OSBPL10: variants seen among roughly 807,000 people sequenced by gnomAD.
OSBPL10 encodes the protein oxysterol-binding protein-related protein 10.
Under a neutral mutation model 81.7 loss-of-function variants are expected in OSBPL10, and 49 were observed. The ratio of observed to expected loss-of-function variants is 0.60; its 90% CI spans 0.48 to 0.76. The LOEUF is 0.76. Among genes scored for constraint, OSBPL10 ranks in the 30% least tolerant of loss-of-function variants. The pLI is 0.00. For missense variants in OSBPL10, 923 were observed against 987.8 expected (o/e 0.93, Z 0.88); for synonymous variants, 419 against 383.6 (o/e 1.09, Z -1.08).
intron 3 of OSBPL10, among the ~76,000 whole-genome samples, chr3:31,869,885 C>T (rs939435171): frequency 1.2e-4 from 19 of 152,254 alleles, no homozygotes; most frequent in African/African-American, 4.6e-4. Context: ...ATTATCATTA[C>T]TTCTGCCAAC....
At chr3:31,928,377 ATGC>A (rs1340016887) in intron 1 of OSBPL10, among the ~76,000 whole-genome samples, 2 of 152,166 alleles carry the variant, frequency 1.3e-5, no homozygotes, top group African/African-American at 4.8e-5. Flanking sequence ...GTTTATCTGC[ATGC>A]TCCAAAACAG....
intron 4 of OSBPL10, among the ~76,000 whole-genome samples, chr3:31,752,058 A>G (rs1231684320): frequency 6.6e-6 from 1 of 152,198 alleles, no homozygotes; most frequent in African/African-American, 2.4e-5. Flanking sequence ...TGTGGTACCG[A>G]AAGGCTGAAT....
intron 6 of OSBPL10, among the ~76,000 whole-genome samples, chr3:31,714,267 C>A (rs1335070854): frequency 6.6e-6 from 1 of 152,202 alleles, no homozygotes; most frequent in Non-Finnish European, 1.5e-5. Context: ...AGGAGGATTA[C>A]AATCAGTGCA....
chr3:31,890,916 C>T (rs980012723), intron 1 of OSBPL10, among the ~76,000 whole-genome samples: 2 of 152,060 alleles, frequency 1.3e-5, no homozygotes, highest in African/African-American at 4.8e-5. Flanking sequence ...ACACACCCAT[C>T]CTGAAAGTCA....
intron 4 of OSBPL10, among the ~76,000 whole-genome samples, chr3:31,802,746 C>A (rs182883881): frequency 3.3e-5 from 5 of 152,018 alleles, no homozygotes; most frequent in Admixed American, 2.6e-4. Context: ...GCAAACGGAT[C>A]CTGAATAAAA....
intron 3 of OSBPL10, among the ~76,000 whole-genome samples, chr3:31,842,865 C>A (rs1220036393): frequency 6.6e-6 from 1 of 152,174 alleles, no homozygotes; most frequent in East Asian, 1.9e-4. Context: ...AAAAACATGA[C>A]CTTCACCCAG....
intron 3 of OSBPL10, among the ~76,000 whole-genome samples, chr3:31,864,708 G>A (rs542920096): frequency 6.6e-6 from 1 of 152,272 alleles, no homozygotes; most frequent in South Asian, 2.1e-4. Context: ...GATGGGTAGA[G>A]ATAGAGGGGA....
At chr3:31,969,305 G>A (rs1014154063) in intron 1 of OSBPL10, 3 of 152,660 alleles carry the variant, frequency 2.0e-5, no homozygotes, top group Admixed American at 1.3e-4. Context: ...CACTCAGGCA[G>A]AGAAAGGACA....
chr3:31,707,605 C>A (rs774350464), intron 6 of OSBPL10, among the ~76,000 whole-genome samples: 2 of 151,984 alleles, frequency 1.3e-5, no homozygotes, highest in Non-Finnish European at 2.9e-5. Context: ...GAAATCTAGC[C>A]ATGTCAAAAA....
chr3:32,028,927 G>GACACACACACAC lies in OSBPL10; in HGVS notation n.298+17552_298+17563dup, dbSNP rs58442955. Among the ~76,000 whole-genome samples, 140 of 105,706 alleles carry GACACACACACAC rather than the reference G, an allele frequency of 1.3e-3. 6 individuals are homozygous for GACACACACACAC. The highest frequency in any genetic ancestry group is 4.0e-3 in the African/African-American group (107 of 27,056). 69.3% of individuals were successfully genotyped at this position (105,706 alleles called of 152,430 possible). On this transcript the variant is annotated intron_variant and non_coding_transcript_variant, in intron 2 of 3. Transcript: ENST00000479173. ...ATTGTTACAGTAGGTAGCTAGTCAG[G>GACACACACACAC]ACACACACACACACACACACACACA...
intron 7 of OSBPL10, among the ~76,000 whole-genome samples, chr3:31,688,306 C>CAT (rs1700850716): frequency 6.6e-6 from 1 of 151,340 alleles, no homozygotes; most frequent in Non-Finnish European, 1.5e-5. Context: ...CACACACACA[C>CAT]ACACACACAC....
chr3:31,766,321 G>GT (rs372182366), intron 4 of OSBPL10, among the ~76,000 whole-genome samples: 7 of 68,636 alleles, frequency 1.0e-4, no homozygotes, highest in African/African-American at 2.2e-4. Context: ...GCCCAATGTA[G>GT]TTTTTTTGTT....
At chr3:31,862,230 T>C (rs1701072937) in intron 3 of OSBPL10, among the ~76,000 whole-genome samples, 1 of 152,204 alleles carries the variant, frequency 6.6e-6, no homozygotes, top group South Asian at 2.1e-4. Flanking sequence ...TTGATGGGAA[T>C]GCTGACAGGA....
chr3:31,816,546 GCA>G (rs1334825289), intron 4 of OSBPL10, among the ~76,000 whole-genome samples: 3 of 152,164 alleles, frequency 2.0e-5, no homozygotes, highest in Admixed American at 2.0e-4. Context: ...ACTTAGCTGG[GCA>G]CAGTGTCCAG....
chr3:31,814,757 T>C (rs750967138), intron 4 of OSBPL10, among the ~76,000 whole-genome samples: 2 of 152,184 alleles, frequency 1.3e-5, no homozygotes, highest in Non-Finnish European at 2.9e-5. Flanking sequence ...AGTACTTGGT[T>C]GTACAGCGTA....
At chr3:31,757,477 C>A (rs1409575256) in intron 4 of OSBPL10, among the ~76,000 whole-genome samples, 2 of 152,146 alleles carry the variant, frequency 1.3e-5, no homozygotes, top group Non-Finnish European at 2.9e-5. Flanking sequence ...TCAGAAGGCA[C>A]CAACTCTACC....
intron 4 of OSBPL10, among the ~76,000 whole-genome samples, chr3:31,751,737 G>C (rs1697726795): frequency 6.6e-6 from 1 of 152,220 alleles, no homozygotes; most frequent in Non-Finnish European, 1.5e-5. Context: ...GCACACAGTA[G>C]ACACCTCCTA....
chr3:31,746,861 T>C (rs1697541522), intron 5 of OSBPL10, among the ~76,000 whole-genome samples: 1 of 151,582 alleles, frequency 6.6e-6, no homozygotes, highest in African/African-American at 2.4e-5. Flanking sequence ...CATTAGGAGA[T>C]ATACCTAAGG....
chr3:31,740,312 G>C (rs1228496702), intron 5 of OSBPL10, among the ~76,000 whole-genome samples: 1 of 152,122 alleles, frequency 6.6e-6, no homozygotes, highest in Non-Finnish European at 1.5e-5. Context: ...AAAGTGCTGG[G>C]ATTACAGGCA....
Sources: gnomAD v4.1 joint callset for allele counts (sites outside exome capture counted in the v4.1 genomes callset) on GRCh38, gnomAD v4.1.1 for gene constraint, MANE v1.5 for transcripts, NCBI Gene and HGNC (gene_info 2026-07-23, HGNC 2026-07-21) for gene names.